PPFIA1: variants seen among roughly 807,000 people sequenced by gnomAD.
PPFIA1 encodes the protein PPFI scaffold protein A1.
Under a neutral mutation model 149.9 loss-of-function variants are expected in PPFIA1, and 25 were observed. The ratio of observed to expected loss-of-function variants is 0.17; its 90% CI spans 0.12 to 0.23. The LOEUF (loss-of-function observed/expected upper bound fraction) is 0.23, where lower values mean the gene tolerates loss of function less well. Among genes scored for constraint, PPFIA1 ranks in the 10% least tolerant of loss-of-function variants. PPFIA1 has a pLI of 1.00. For synonymous variants in PPFIA1, 549 were observed against 552.8 expected (o/e 0.99, Z 0.10); for missense variants, 1,362 against 1,506.5 (o/e 0.90, Z 1.59).
intron 2 of PPFIA1, among the ~76,000 whole-genome samples, chr11:70,321,076 T>C (rs1330176415): frequency 1.3e-5 from 2 of 152,166 alleles, no homozygotes; most frequent in Non-Finnish European, 2.9e-5. Context: ...CTGGTTTCAC[T>C]GTATTAGAAG....
chr11:70,327,198 C>CT (rs1018537352), intron 7 of PPFIA1: 4 of 195,798 alleles, frequency 2.0e-5, no homozygotes, highest in Non-Finnish European at 4.2e-5. Flanking sequence ...AGATTGCCTT[C>CT]TGTTGCACAC....
intron 19 of PPFIA1, among the ~76,000 whole-genome samples, chr11:70,361,729 C>T (rs1245804103): frequency 6.6e-6 from 1 of 151,830 alleles, no homozygotes; most frequent in Non-Finnish European, 1.5e-5. Context: ...AATCCTTCCA[C>T]CTCAGCCTCC....
Position 70,335,586 on chromosome 11 carries a change from C to T in PPFIA1, c.1320C>T (p.Asn440=), listed in dbSNP as rs565338552. ...AGGCAAGGCAAAGAGAAAAAATGAA[C>T]GAAGAACATAATAAACGTTTATCAG... ...LQRARQREKM[N]EEHNKRLSDT... The change falls in exon 11 of 28, where the codon AAC becomes AAT. Residue 440 remains asparagine (N), a synonymous_variant. Transcript: ENST00000253925. 1.1e-5 allele frequency: 17 copies of T among 1,613,766 alleles called. No homozygotes were observed. Among genetic ancestry groups the T allele is most frequent in the South Asian group, 6.6e-5 (6 of 91,064 alleles).
intron 18 of PPFIA1, among the ~76,000 whole-genome samples, 164 bp from the exon 19 acceptor site, chr11:70,355,997 C>T (rs1480302570): frequency 1.3e-5 from 2 of 152,212 alleles, no homozygotes; most frequent in African/African-American, 4.8e-5. Flanking sequence ...CAACACATTT[C>T]CTGTCTTGAG....
chr11:70,280,637 TG>T (rs1357075483), intron 2 of PPFIA1, among the ~76,000 whole-genome samples: 1 of 152,196 alleles, frequency 6.6e-6, no homozygotes, highest in African/African-American at 2.4e-5. Flanking sequence ...GCGTGATCAC[TG>T]TTCACTGCAG....
chr11:70,377,567 G>A (rs549023192), intron 25 of PPFIA1, among the ~76,000 whole-genome samples: 50 of 152,280 alleles, frequency 3.3e-4, no homozygotes, highest in African/African-American at 1.1e-3. Context: ...AGGAGGCTGC[G>A]GTGGGAGGAT....
chr11:70,330,434 C>G, intron 8 of PPFIA1, 115 bp downstream of exon 8: 1 of 902,042 alleles, frequency 1.1e-6, no homozygotes. Context: ...TTTTTATGAC[C>G]TTAGAATATT....
chr11:70,376,445 G>T, intron 24 of PPFIA1, 87 bp from the exon 25 acceptor site: 1 of 1,333,840 alleles, frequency 7.5e-7, no homozygotes, highest in Non-Finnish European at 1.1e-6. Context: ...GGGAGTTTAA[G>T]TCTTGGTTTA....
intron 2 of PPFIA1, among the ~76,000 whole-genome samples, chr11:70,272,788 T>G (rs567614854): frequency 1.3e-5 from 2 of 152,348 alleles, no homozygotes; most frequent in East Asian, 1.9e-4. Context: ...AACTTGTACT[T>G]CCCATGGATT....
Position 70,324,835 on chromosome 11 carries a change from C to G in PPFIA1, c.367-12C>G. 1 of 1,552,394 alleles carries G rather than the reference C, an allele frequency of 6.4e-7. No homozygotes were observed. The highest frequency in any genetic ancestry group is 8.7e-7 in the Non-Finnish European group (1 of 1,147,608). ...CTGTTTAACAAGTCTTTATTTTGGC[C>G]TTTTATTTCAGCTGCTGTTAGAGCA... is the stretch of plus-strand genomic sequence containing the variant. On this transcript the variant is annotated splice_polypyrimidine_tract_variant and intron_variant, in intron 3 of 27. Transcript: ENST00000253925.
chr11:70,311,181 T>A (rs1269471529), intron 2 of PPFIA1, among the ~76,000 whole-genome samples: 1 of 151,976 alleles, frequency 6.6e-6, no homozygotes, highest in Non-Finnish European at 1.5e-5. Flanking sequence ...TGGTGGTGCA[T>A]GCCTGTAATC....
chr11:70,333,580 G>C (rs1273842632), intron 10 of PPFIA1, 27 bp downstream of exon 10: 1 of 1,575,324 alleles, frequency 6.3e-7, no homozygotes, highest in Admixed American at 1.8e-5. Context: ...GAGGGTGGGG[G>C]CGCTGAGTGG....
At chr11:70,334,904 A>T (rs1157419242) in intron 10 of PPFIA1, among the ~76,000 whole-genome samples, 1 of 152,206 alleles carries the variant, frequency 6.6e-6, no homozygotes, top group Non-Finnish European at 1.5e-5. Flanking sequence ...ACCTACTGAC[A>T]CTTCCTGTCC....
At chr11:70,305,656 C>T (rs2052799947) in intron 2 of PPFIA1, among the ~76,000 whole-genome samples, 1 of 152,110 alleles carries the variant, frequency 6.6e-6, no homozygotes, top group Non-Finnish European at 1.5e-5. Context: ...AGACGTGAGC[C>T]CCTGAGGCTG....
intron 13 of PPFIA1, 60 bp downstream of exon 13, chr11:70,338,513 C>A: frequency 1.4e-6 from 2 of 1,402,976 alleles, no homozygotes; most frequent in Non-Finnish European, 2.0e-6. Flanking sequence ...CAGTTCTTGG[C>A]TATGTGGGCA....
intron 11 of PPFIA1, 83 bp from the exon 12 acceptor site, chr11:70,337,279 CTTT>C: frequency 3.9e-6 from 3 of 768,058 alleles, no homozygotes; most frequent in Middle Eastern, 4.2e-4. Flanking sequence ...TTGTGTGGTC[CTTT>C]TTTTTTTTAA....
intron 26 of PPFIA1, chr11:70,378,620 C>A: frequency 7.4e-6 from 2 of 270,312 alleles, no homozygotes; most frequent in Non-Finnish European, 1.1e-5. Context: ...TAAGAACACA[C>A]AGTTTCCAGC....
Position 70,335,711 on chromosome 11 carries a change from G to A in PPFIA1, c.1428+17G>A, listed in dbSNP as rs57157711. 218 of 1,612,790 alleles carry A rather than the reference G, an allele frequency of 1.4e-4. No homozygotes were observed. In the African/African-American group the frequency reaches 2.5e-3, roughly 19 times the overall value. On this transcript the variant is annotated intron_variant, in intron 11 of 27. Transcript: ENST00000253925. ...GAAGATAAGGTAAGTTAGATAACAC[G>A]GACATGCTGGAGCTTTCCCACCCTC... is the stretch of plus-strand genomic sequence containing the variant.
chr11:70,286,972 C>T (rs951145533), intron 2 of PPFIA1, among the ~76,000 whole-genome samples: 1 of 139,316 alleles, frequency 7.2e-6, no homozygotes, highest in Admixed American at 7.0e-5. Flanking sequence ...TACATATACA[C>T]ATATATGCAC....
Sources: allele counts gnomAD v4.1 joint callset (sites outside exome capture counted in the v4.1 genomes callset), GRCh38; gene constraint gnomAD v4.1.1; transcripts MANE v1.5; gene names NCBI Gene and HGNC (gene_info 2026-07-23, HGNC 2026-07-21).